The following PTPRG variants were observed in gnomAD, a reference collection of about 807,000 sequenced individuals.
PTPRG encodes the protein protein tyrosine phosphatase receptor type G, also known as receptor-type tyrosine-protein phosphatase gamma.
Under a neutral mutation model 165.3 loss-of-function variants are expected in PTPRG, and 102 were observed. The ratio of observed to expected loss-of-function variants is 0.62; its 90% CI spans 0.53 to 0.73. The LOEUF (loss-of-function observed/expected upper bound fraction) is 0.73. Among genes scored for constraint, PTPRG ranks in the 30% least tolerant of loss-of-function variants. The pLI is 0.00. For synonymous variants in PTPRG, 675 were observed against 669.5 expected (o/e 1.01, Z -0.13); for missense variants, 1,866 against 1,861.4 (o/e 1.00, Z -0.05).
At chr3:61,606,194 C>T (rs1044537247) in intron 1 of PTPRG, among the ~76,000 whole-genome samples, 1 of 152,204 alleles carries the variant, frequency 6.6e-6, no homozygotes, top group South Asian at 2.1e-4. Flanking sequence ...GGCTCATTCT[C>T]TCCCAGGCTT....
chr3:62,033,281 T>G (rs1284419481), intron 4 of PTPRG, among the ~76,000 whole-genome samples: 1 of 152,014 alleles, frequency 6.6e-6, no homozygotes, highest in Non-Finnish European at 1.5e-5. Flanking sequence ...AGTTCAAATG[T>G]CACTTTCAGA....
At chr3:62,247,284 A>ATTG (rs1384692459) in intron 15 of PTPRG, among the ~76,000 whole-genome samples, 1 of 152,146 alleles carries the variant, frequency 6.6e-6, no homozygotes, top group East Asian at 1.9e-4. Context: ...CAAAGCACAG[A>ATTG]TGCTTATAAA....
intron 1 of PTPRG, among the ~76,000 whole-genome samples, chr3:61,684,451 G>C (rs1703555222): frequency 6.6e-6 from 1 of 152,194 alleles, no homozygotes; most frequent in African/African-American, 2.4e-5. Flanking sequence ...TCATTTCTGT[G>C]TGGGTTTTCT....
chr3:62,071,295 C>T (rs764943185), intron 4 of PTPRG, among the ~76,000 whole-genome samples: 6 of 152,084 alleles, frequency 3.9e-5, no homozygotes, highest in Non-Finnish European at 7.4e-5. Flanking sequence ...AAACGTAGAG[C>T]TTTCTAAATC....
chr3:62,019,846 C>T (rs1237690627), intron 4 of PTPRG, among the ~76,000 whole-genome samples: 1 of 152,288 alleles, frequency 6.6e-6, no homozygotes, highest in Non-Finnish European at 1.5e-5. Flanking sequence ...AAACTACTTC[C>T]TGTGTATACT....
intron 5 of PTPRG, among the ~76,000 whole-genome samples, chr3:62,126,197 A>C (rs2106908719): frequency 6.6e-6 from 1 of 152,296 alleles, no homozygotes; most frequent in South Asian, 2.1e-4. Flanking sequence ...CACTCCTCCA[A>C]GCCAAGTCTG....
intron 2 of PTPRG, among the ~76,000 whole-genome samples, chr3:61,887,972 G>A (rs977671848): frequency 6.6e-6 from 1 of 152,046 alleles, no homozygotes; most frequent in African/African-American, 2.4e-5. Context: ...ATTAAAGTAA[G>A]TCCAAGTAAA....
At chr3:61,644,304 C>T (rs1308698731) in intron 1 of PTPRG, among the ~76,000 whole-genome samples, 1 of 152,138 alleles carries the variant, frequency 6.6e-6, no homozygotes, top group Non-Finnish European at 1.5e-5. Flanking sequence ...TACTGTGAAA[C>T]TGATGTGACT....
rs1192163808 is a variant in PTPRG, at chr3:62,295,051, A to G, written c.*1744A>G. Reference sequence around the variant, plus strand: ...GTTTTCATAAACTACATAATTTACCAGGGTTTATCTCATCTTCTCAATACA... The same window carrying G: ...GTTTTCATAAACTACATAATTTACCGGGGTTTATCTCATCTTCTCAATACA... On this transcript the variant is annotated 3_prime_UTR_variant, in exon 30 of 30. Coordinates refer to ENST00000474889, the MANE Select transcript of PTPRG (RefSeq NM_002841.4). 1.3e-5 allele frequency: 2 copies of G among 152,162 alleles called. No homozygotes were observed. The highest frequency in any genetic ancestry group is 1.3e-4 in the Admixed American group (2 of 15,264). 9.4% of individuals were successfully genotyped at this position (152,162 alleles called of 1,614,324 possible). A position where few individuals can be genotyped will look rare whatever the true frequency, so the allele number is the denominator to read the frequency against.
chr3:61,702,552 A>C (rs781019280), intron 1 of PTPRG, among the ~76,000 whole-genome samples: 1 of 152,220 alleles, frequency 6.6e-6, no homozygotes, highest in Non-Finnish European at 1.5e-5. Flanking sequence ...GGCACAGTAA[A>C]TTGTACAAAT....
At chr3:62,198,677 T>A (rs1385232414) in intron 10 of PTPRG, among the ~76,000 whole-genome samples, 1 of 152,228 alleles carries the variant, frequency 6.6e-6, no homozygotes, top group Non-Finnish European at 1.5e-5. Context: ...ATGTGCTTTT[T>A]AAAATTAAGG....
At chr3:62,223,120 CAG>C (rs1337512596) in intron 13 of PTPRG, among the ~76,000 whole-genome samples, 1 of 151,954 alleles carries the variant, frequency 6.6e-6, no homozygotes, top group Non-Finnish European at 1.5e-5. Flanking sequence ...GTTGTTGGAG[CAG>C]AGTGTGGGGA....
chr3:61,697,595 A>G (rs1254898851), intron 1 of PTPRG, among the ~76,000 whole-genome samples: 1 of 152,222 alleles, frequency 6.6e-6, no homozygotes, highest in East Asian at 1.9e-4. Flanking sequence ...TATCTGCATA[A>G]TAAGATAACC....
At chr3:61,635,999 T>G (rs529480617) in intron 1 of PTPRG, among the ~76,000 whole-genome samples, 1 of 152,318 alleles carries the variant, frequency 6.6e-6, no homozygotes, top group East Asian at 1.9e-4. Flanking sequence ...GCTTGAATGC[T>G]TCTAATAACT....
Position 62,203,104 on chromosome 3 carries a change from A to G in PTPRG, c.1378-69A>G. ...CAACCAGGGCCTCATTCCCAATCTC[A>G]ATTACTGATGCTTCTCTGCTTTTTC... On this transcript the variant is annotated intron_variant, in intron 11 of 29. Transcript: ENST00000474889. The surrounding 1 kb of genome is among the most constrained non-coding windows in gnomAD (Gnocchi z 6.4). The G allele has an allele frequency of 2.6e-6, 4 of 1,520,344 alleles. No individual in the cohort carries two copies. Among genetic ancestry groups the G allele is most frequent in the Non-Finnish European group, 3.5e-6 (4 of 1,134,136 alleles). 94.2% of individuals were successfully genotyped at this position (1,520,344 alleles called of 1,614,324 possible).
chr3:62,046,599 T>A (rs553672868), intron 4 of PTPRG, among the ~76,000 whole-genome samples: 1 of 152,290 alleles, frequency 6.6e-6, no homozygotes, highest in East Asian at 1.9e-4. Flanking sequence ...TCATTTTATT[T>A]CAAAGTCTTT....
At chr3:61,914,247 G>T (rs112357725) in intron 2 of PTPRG, among the ~76,000 whole-genome samples, 8 of 152,270 alleles carry the variant, frequency 5.3e-5, no homozygotes, top group African/African-American at 1.4e-4. Flanking sequence ...TGACTTAAGC[G>T]TTTCTTTTTG....
chr3:62,180,463 A>G (rs1436231895), intron 8 of PTPRG, among the ~76,000 whole-genome samples: 2 of 152,208 alleles, frequency 1.3e-5, no homozygotes, highest in East Asian at 1.9e-4. Context: ...GGAGCCCTTC[A>G]CTAGGGCAAG....
chr3:62,143,521 T>A (rs1704005155), intron 6 of PTPRG, among the ~76,000 whole-genome samples: 1 of 152,052 alleles, frequency 6.6e-6, no homozygotes, highest in Admixed American at 6.5e-5. Flanking sequence ...ATATTTCTCT[T>A]GTCCTTGGAA....
Sources: allele counts gnomAD v4.1 joint callset (sites outside exome capture counted in the v4.1 genomes callset), GRCh38; gene constraint gnomAD v4.1.1; non-coding constraint Gnocchi (gnomAD v3.1); transcripts MANE v1.5; gene names NCBI Gene and HGNC (gene_info 2026-07-23, HGNC 2026-07-21).